The following DIP2B variants were observed in gnomAD, a reference collection of about 807,000 sequenced individuals.
DIP2B encodes the protein disco-interacting protein 2 homolog B.
In DIP2B, 76 loss-of-function variants were observed where a neutral mutation model predicts 198.0. The observed-to-expected ratio is 0.38, with a 90% confidence interval of 0.32 to 0.46. The LOEUF is 0.46. DIP2B is among the 20% of genes least tolerant of loss of function. The pLI is 0.99. For missense variants in DIP2B, 1,559 were observed against 1,978.4 expected (o/e 0.79, Z 4.02); for synonymous variants, 701 against 739.1 (o/e 0.95, Z 0.84).
chr12:50,683,215 T>G lies in DIP2B; in HGVS notation c.1284T>G (p.Ile428Met). The change falls in exon 10 of 38, where the codon ATT becomes ATG. Residue 428 changes from isoleucine (I) to methionine (M), a missense_variant. By Grantham distance (10) the Ile-to-Met change is conservative. Coordinates refer to ENST00000301180, the MANE Select transcript of DIP2B (RefSeq NM_173602.3). The stretch of plus-strand genomic sequence containing the variant: ...ATGGATGCCTCCTGGCAGAAGTGAT[T>G]CCAGTGCCTATAGAGGTACCTCTTA... Reference protein sequence around the residue: ...AFYGCLLAEVIPVPIEVPLTR... With the variant: ...AFYGCLLAEVMPVPIEVPLTR... The G allele has an allele frequency of 1.2e-6, 2 of 1,612,956 alleles. No homozygotes were observed. The highest frequency in any genetic ancestry group is 1.7e-6 in the Non-Finnish European group (2 of 1,179,672).
At chr12:50,544,779 G>A (rs1204276466) in intron 1 of DIP2B, among the ~76,000 whole-genome samples, 5 of 151,414 alleles carry the variant, frequency 3.3e-5, no homozygotes, top group African/African-American at 1.2e-4. Flanking sequence ...CACCACGCCC[G>A]GCTAATTTTT....
chr12:50,593,395 C>T (rs1333905343), intron 1 of DIP2B, among the ~76,000 whole-genome samples: 1 of 151,946 alleles, frequency 6.6e-6, no homozygotes, highest in Non-Finnish European at 1.5e-5. Flanking sequence ...GTCCCAGCTT[C>T]TTGGGAAGCT....
chr12:50,611,676 A>AG, intron 1 of DIP2B, among the ~76,000 whole-genome samples: 1 of 152,082 alleles, frequency 6.6e-6, no homozygotes, highest in African/African-American at 2.4e-5. Context: ...TACCCCCAGT[A>AG]CTAGATCCCT....
At chr12:50,716,085 A>G (rs907567029) in intron 23 of DIP2B, among the ~76,000 whole-genome samples, 5 of 152,202 alleles carry the variant, frequency 3.3e-5, no homozygotes, top group African/African-American at 1.2e-4. Flanking sequence ...AACTACTGCA[A>G]AATTCACTTT....
In DIP2B at chr12:50,649,598, A is replaced by T. The variant is rs554540950; in HGVS notation, c.301+8746A>T. Among the ~76,000 whole-genome samples, 9 of 152,344 alleles carry T rather than the reference A, an allele frequency of 5.9e-5. No individual in the cohort carries two copies. The East Asian group carries it at 1.7e-3, about 29-fold the overall frequency. On this transcript the variant is annotated intron_variant, in intron 3 of 37. Coordinates refer to ENST00000301180, the MANE Select transcript of DIP2B (RefSeq NM_173602.3). The stretch of plus-strand genomic sequence containing the variant: ...GCCAGGTGTGGTGGCTCACACCTGT[A>T]ATCCCAGCAAGTTGGGAGGCCAAAG...
intron 1 of DIP2B, among the ~76,000 whole-genome samples, chr12:50,624,091 T>G (rs986448981): frequency 6.6e-6 from 1 of 152,252 alleles, no homozygotes; most frequent in Non-Finnish European, 1.5e-5. Flanking sequence ...GAATAAATTC[T>G]TAGTACAGCT....
chr12:50,704,041 T>A, intron 19 of DIP2B, 99 bp from the exon 20 acceptor site: 2 of 984,524 alleles, frequency 2.0e-6, no homozygotes, highest in Non-Finnish European at 3.0e-6. Context: ...TATTACATTA[T>A]TTTTTCACTG....
chr12:50,572,139 A>T (rs532080663), intron 1 of DIP2B, among the ~76,000 whole-genome samples: 3 of 152,274 alleles, frequency 2.0e-5, no homozygotes, highest in African/African-American at 7.2e-5. Flanking sequence ...ATGAAGCACA[A>T]CTTTAAAAAA....
chr12:50,691,733 G>A (rs866954506), intron 13 of DIP2B, among the ~76,000 whole-genome samples: 14 of 150,926 alleles, frequency 9.3e-5, no homozygotes, highest in African/African-American at 3.4e-4. Flanking sequence ...CATAATGGAA[G>A]CAATCAAAAT....
In DIP2B at chr12:50,685,823, TTC is replaced by T; in HGVS notation, c.1318-7_1318-6del. 6.2e-7 allele frequency: 1 copy of T among 1,612,626 alleles called. No homozygotes were observed. Among genetic ancestry groups the T allele is most frequent in the Non-Finnish European group, 8.5e-7 (1 of 1,179,212 alleles). On this transcript the variant is annotated splice_region_variant and splice_polypyrimidine_tract_variant and intron_variant, in intron 10 of 37. Transcript: ENST00000301180. ...CTCCCCTACCTATGTTCATTATCAT[TTC>T]TCCACAGGATGCTGGAGGTCAGCAG...
chr12:50,610,454 C>T (rs2139452627), intron 1 of DIP2B, among the ~76,000 whole-genome samples: 1 of 152,030 alleles, frequency 6.6e-6, no homozygotes, highest in South Asian at 2.1e-4. Flanking sequence ...CCCCCTCCTC[C>T]AAGTGAAACT....
intron 2 of DIP2B, among the ~76,000 whole-genome samples, chr12:50,630,663 C>CTTTTTTTTTTTTTTTTTTTTTTTTTT (rs11327858): frequency 1.3e-5 from 1 of 74,568 alleles, no homozygotes; most frequent in Non-Finnish European, 2.6e-5. Flanking sequence ...TCTTTCTTTT[C>CTTTTTTTTTTTTTTTTTTTTTTTTTT]TTTTTTTTTT....
At position 50,580,459 on chromosome 12, in the gene DIP2B, T is replaced by C. The variant is rs1271029750; in HGVS notation, c.101-45517T>C. Among the ~76,000 whole-genome samples, 9 of 148,782 alleles carry C rather than the reference T, an allele frequency of 6.0e-5. 1 individual carries two copies. Among genetic ancestry groups the C allele is most frequent in the Admixed American group, 5.5e-4 (8 of 14,510 alleles). On this transcript the variant is annotated intron_variant, in intron 1 of 37. Transcript: ENST00000301180. ...AAATAGCCAAGAATGGTGCTCCTTATGCTTTTTCTTTATATTTTGCAGAAA... is the reference window on the plus strand; with the variant it reads ...AAATAGCCAAGAATGGTGCTCCTTACGCTTTTTCTTTATATTTTGCAGAAA...
intron 1 of DIP2B, among the ~76,000 whole-genome samples, chr12:50,510,980 C>G (rs1958010166): frequency 6.7e-6 from 1 of 148,300 alleles, no homozygotes; most frequent in African/African-American, 2.5e-5. Flanking sequence ...GAGTCTCTCC[C>G]TGTCACCCGT....
intron 1 of DIP2B, among the ~76,000 whole-genome samples, chr12:50,543,154 G>T (rs12161809): frequency 2.0e-5 from 3 of 151,960 alleles, no homozygotes; most frequent in Admixed American, 6.6e-5. Flanking sequence ...GATTATAGGC[G>T]TGAGCCACCG....
chr12:50,610,666 C>T (rs1379945355), intron 1 of DIP2B, among the ~76,000 whole-genome samples: 1 of 152,006 alleles, frequency 6.6e-6, no homozygotes, highest in African/African-American at 2.4e-5. Context: ...CCGCCATGCC[C>T]GGCTAATTTT....
chr12:50,569,993 T>C (rs1460749705), intron 1 of DIP2B, among the ~76,000 whole-genome samples: 1 of 152,240 alleles, frequency 6.6e-6, no homozygotes, highest in African/African-American at 2.4e-5. Flanking sequence ...CAGAAATCTT[T>C]TGCAGTTTGG....
chr12:50,652,367 A>G (rs1020098638), intron 3 of DIP2B, among the ~76,000 whole-genome samples: 199 of 148,328 alleles, frequency 1.3e-3, no homozygotes, highest in African/African-American at 1.1e-3. Context: ...ACACACACAC[A>G]CACGCACACA....
intron 19 of DIP2B, among the ~76,000 whole-genome samples, chr12:50,701,847 T>G (rs573164691): frequency 2.6e-5 from 4 of 152,330 alleles, no homozygotes; most frequent in Non-Finnish European, 4.4e-5. Flanking sequence ...ATGGAAATAC[T>G]AATGCTGTTT....
Sources: gnomAD v4.1 joint callset for allele counts (sites outside exome capture counted in the v4.1 genomes callset) on GRCh38, gnomAD v4.1.1 for gene constraint, MANE v1.5 for transcripts, NCBI Gene and HGNC (gene_info 2026-07-23, HGNC 2026-07-21) for gene names.